Variants in PARD3 observed in about 807,000 individuals in gnomAD.
PARD3 encodes partitioning defective 3 homolog.
In PARD3, 75 loss-of-function variants were observed where a neutral mutation model predicts 155.4. That is an observed-to-expected ratio of 0.48 (90% CI 0.40 to 0.58). The LOEUF (loss-of-function observed/expected upper bound fraction) is 0.58, where lower values mean the gene tolerates loss of function less well. PARD3 is among the 20% of genes least tolerant of loss of function. The probability of loss-of-function intolerance (pLI) is 0.00; values close to 1 mark genes in which losing one functional copy is unlikely to be tolerated. For synonymous variants in PARD3, 576 were observed against 610.5 expected, an observed-to-expected ratio of 0.94 and a Z score of 0.83; for missense variants, 1,642 against 1,721.7, an observed-to-expected ratio of 0.95 and a Z score of 0.82.
chr10:34,151,289 A>G (rs1948770379), intron 22 of PARD3, among the ~76,000 whole-genome samples: 1 of 152,176 alleles, frequency 6.6e-6, no homozygotes, highest in Non-Finnish European at 1.5e-5. Context: ...CTGATTAATG[A>G]CAGTAAGGAG....
At chr10:34,239,337 C>T (rs1028327667) in intron 22 of PARD3, among the ~76,000 whole-genome samples, 3 of 152,174 alleles carry the variant, frequency 2.0e-5, no homozygotes, top group Admixed American at 1.3e-4. Flanking sequence ...TCTGAAACAG[C>T]CTGGTGGACA....
intron 2 of PARD3, among the ~76,000 whole-genome samples, chr10:34,610,171 T>C (rs1051520687): frequency 6.6e-6 from 1 of 152,164 alleles, no homozygotes; most frequent in Non-Finnish European, 1.5e-5. Context: ...GGAAGTAATA[T>C]TAAATATATC....
At chr10:34,304,285 C>T (rs1957293987) in intron 20 of PARD3, among the ~76,000 whole-genome samples, 1 of 150,808 alleles carries the variant, frequency 6.6e-6, no homozygotes, top group Admixed American at 6.6e-5. Flanking sequence ...CACTCGAAGC[C>T]AGGAGTTTGA....
At chr10:34,178,971 G>C (rs1950150667) in intron 22 of PARD3, among the ~76,000 whole-genome samples, 1 of 152,136 alleles carries the variant, frequency 6.6e-6, no homozygotes, top group African/African-American at 2.4e-5. Flanking sequence ...GACGGCCTCT[G>C]CAAGTTCACC....
chr10:34,491,683 T>C (rs762062178), intron 3 of PARD3, among the ~76,000 whole-genome samples: 20 of 152,258 alleles, frequency 1.3e-4, no homozygotes, highest in Non-Finnish European at 2.5e-4. Flanking sequence ...TAATTCTCTA[T>C]TTAGCATTTT....
intron 2 of PARD3, among the ~76,000 whole-genome samples, chr10:34,622,100 T>C (rs1016259041): frequency 2.0e-5 from 3 of 152,216 alleles, no homozygotes; most frequent in African/African-American, 7.2e-5. Flanking sequence ...CAAGCTTATA[T>C]TACATCTGAC....
intron 2 of PARD3, among the ~76,000 whole-genome samples, chr10:34,540,282 G>T (rs1356051636): frequency 2.0e-5 from 3 of 151,662 alleles, no homozygotes; most frequent in Non-Finnish European, 4.4e-5. Context: ...TCTATTCAGG[G>T]AATGAACAAA....
intron 5 of PARD3, among the ~76,000 whole-genome samples, chr10:34,421,576 A>C (rs1255013996): frequency 6.6e-6 from 1 of 152,140 alleles, no homozygotes; most frequent in Non-Finnish European, 1.5e-5. Flanking sequence ...GCTAAAAGCC[A>C]TGAACTCTTT....
chr10:34,639,855 G>GACACACAC (rs139829298), intron 2 of PARD3, among the ~76,000 whole-genome samples: 11 of 150,316 alleles, frequency 7.3e-5, no homozygotes, highest in African/African-American at 1.9e-4. Flanking sequence ...AACAGAGTAA[G>GACACACAC]ACACACACAC....
At chr10:34,320,127 G>A (rs1039960455) in intron 19 of PARD3, among the ~76,000 whole-genome samples, 4 of 152,120 alleles carry the variant, frequency 2.6e-5, no homozygotes, top group Admixed American at 2.6e-4. Flanking sequence ...CTGCATAAAT[G>A]AAAGACTTTT....
intron 3 of PARD3, among the ~76,000 whole-genome samples, chr10:34,498,532 T>C (rs888425662): frequency 1.3e-5 from 2 of 152,176 alleles, no homozygotes; most frequent in African/African-American, 4.8e-5. Flanking sequence ...ATTTCAGCAC[T>C]TTGGGAGGCC....
chr10:34,690,651 TATCCCAGAAAAC>T (rs2094039027), intron 2 of PARD3, among the ~76,000 whole-genome samples: 1 of 152,186 alleles, frequency 6.6e-6, no homozygotes. Flanking sequence ...GGGCCAGGCA[TATCCCAGAAAAC>T]ATGTTATAAG....
At chr10:34,756,751 T>C (rs1353438675) in intron 1 of PARD3, among the ~76,000 whole-genome samples, 1 of 152,114 alleles carries the variant, frequency 6.6e-6, no homozygotes, top group African/African-American at 2.4e-5. Flanking sequence ...CTACACATAA[T>C]CAAAGCCATT....
chr10:34,685,916 C>T (rs1194699330), intron 2 of PARD3, among the ~76,000 whole-genome samples: 2 of 151,932 alleles, frequency 1.3e-5, no homozygotes, highest in East Asian at 1.9e-4. Context: ...TTTTAAAATT[C>T]GAGGTAGTAA....
rs1379239166 is a variant in PARD3 at position 34,111,146 on chromosome 10, T to C, written c.*23A>G. The C allele has an allele frequency of 9.9e-6, 15 of 1,521,780 alleles. No individual in the cohort carries two copies. The highest frequency in any genetic ancestry group is 2.6e-5 in the South Asian group (2 of 75,902). 94.3% of individuals were successfully genotyped at this position (1,521,780 alleles called of 1,614,324 possible). ...GGAAAATGTCTTTTATTGCGCGACA[T>C]GAAGCATCCGTTATTTGCGTGCTCA... On this transcript the variant is annotated 3_prime_UTR_variant, in exon 25 of 25. Coordinates refer to ENST00000374788, the MANE Select transcript of PARD3 (RefSeq NM_001184785.2).
At chr10:34,465,223 A>G (rs2077933415) in intron 4 of PARD3, among the ~76,000 whole-genome samples, 1 of 152,198 alleles carries the variant, frequency 6.6e-6, no homozygotes, top group Non-Finnish European at 1.5e-5. Flanking sequence ...CCGTGGATGC[A>G]GAACCCATGG....
At chr10:34,682,531 T>C (rs191162336) in intron 2 of PARD3, among the ~76,000 whole-genome samples, 2 of 152,216 alleles carry the variant, frequency 1.3e-5, no homozygotes, top group Non-Finnish European at 2.9e-5. Flanking sequence ...CACAAATATC[T>C]AGGATAGCCT....
intron 5 of PARD3, among the ~76,000 whole-genome samples, chr10:34,440,060 G>A (rs1321492131): frequency 6.6e-6 from 1 of 152,048 alleles, no homozygotes; most frequent in Admixed American, 6.6e-5. Flanking sequence ...CACTGAAGAC[G>A]GGAATTTTTT....
At chr10:34,313,892 T>C (rs1325307278) in intron 20 of PARD3, among the ~76,000 whole-genome samples, 3 of 152,134 alleles carry the variant, frequency 2.0e-5, no homozygotes, top group Non-Finnish European at 4.4e-5. Context: ...TATATTTACC[T>C]ACAAAACTAG....
Sources: gnomAD v4.1 joint callset for allele counts (sites outside exome capture counted in the v4.1 genomes callset) on GRCh38, gnomAD v4.1.1 for gene constraint, MANE v1.5 for transcripts, NCBI Gene and HGNC (gene_info 2026-07-23, HGNC 2026-07-21) for gene names.